SIPA1L1: variants seen among roughly 807,000 people sequenced by gnomAD.
The protein encoded by SIPA1L1 is signal induced proliferation associated 1 like 1, also known as signal-induced proliferation-associated 1-like protein 1.
SIPA1L1 carries 26 observed loss-of-function variants against 162.7 expected under a neutral mutation model. The observed-to-expected ratio is 0.16, with a 90% CI of 0.12 to 0.22. The LOEUF (loss-of-function observed/expected upper bound fraction) is 0.22, where lower values mean the gene tolerates loss of function less well. Ranked by LOEUF, SIPA1L1 falls within the 10% of genes least tolerant of loss-of-function variation. The pLI is 1.00. For synonymous variants in SIPA1L1, 829 were observed against 837.4 expected (o/e 0.99, Z 0.17); for missense variants, 1,874 against 2,241.0 (o/e 0.84, Z 3.31).
chr14:71,476,573 T>C (rs554898851), intron 2 of SIPA1L1, among the ~76,000 whole-genome samples: 4 of 152,332 alleles, frequency 2.6e-5, no homozygotes, highest in African/African-American at 9.6e-5. Context: ...AAATATGTTT[T>C]TGTAAATTTG....
chr14:71,529,194 G>A (rs893553713), intron 3 of SIPA1L1, 118 bp from the exon 4 acceptor site: 35 of 411,368 alleles, frequency 8.5e-5, no homozygotes, highest in Non-Finnish European at 1.4e-4. Flanking sequence ...ATTTACCTTA[G>A]AAAGGCTGGT....
At chr14:71,533,035 A>C (rs909068388) in intron 4 of SIPA1L1, among the ~76,000 whole-genome samples, 1 of 152,194 alleles carries the variant, frequency 6.6e-6, no homozygotes, top group Non-Finnish European at 1.5e-5. Flanking sequence ...TAGTCTCACA[A>C]ATCAGTATCT....
At chr14:71,549,398 G>A (rs1416460489) in intron 4 of SIPA1L1, among the ~76,000 whole-genome samples, 3 of 151,716 alleles carry the variant, frequency 2.0e-5, no homozygotes, top group African/African-American at 7.3e-5. Flanking sequence ...TGTCCCATAT[G>A]TGAACCAAGT....
At chr14:71,544,207 ACATG>A (rs1333317882) in intron 4 of SIPA1L1, among the ~76,000 whole-genome samples, 8 of 145,464 alleles carry the variant, frequency 5.5e-5, no homozygotes, top group Non-Finnish European at 1.2e-4. Flanking sequence ...GCATGTATGC[ACATG>A]CATGTGTATA....
chr14:71,686,927 G>A (rs1308286142), intron 13 of SIPA1L1, among the ~76,000 whole-genome samples: 1 of 152,196 alleles, frequency 6.6e-6, no homozygotes, highest in African/African-American at 2.4e-5. Context: ...GCAGGGTGCT[G>A]AGGAAAACGG....
chr14:71,602,400 A>G (rs1466987418), intron 5 of SIPA1L1, among the ~76,000 whole-genome samples: 1 of 151,692 alleles, frequency 6.6e-6, no homozygotes, highest in African/African-American at 2.4e-5. Context: ...TTCTAGTTTT[A>G]TTTCATTGTG....
chr14:71,727,555 G>A (rs577818369), intron 19 of SIPA1L1, among the ~76,000 whole-genome samples: 127 of 151,924 alleles, frequency 8.4e-4, no homozygotes, highest in Non-Finnish European at 1.5e-3. Flanking sequence ...GAACCTCTCC[G>A]TAGCAGTGGT....
chr14:71,414,459 A>G (rs2042619802), intron 2 of SIPA1L1, among the ~76,000 whole-genome samples: 1 of 152,180 alleles, frequency 6.6e-6, no homozygotes, highest in African/African-American at 2.4e-5. Flanking sequence ...AATGTCCGAT[A>G]TTTTCTGCCC....
intron 2 of SIPA1L1, among the ~76,000 whole-genome samples, chr14:71,457,611 T>A (rs1052094063): frequency 6.7e-6 from 1 of 150,334 alleles, no homozygotes; most frequent in Non-Finnish European, 1.5e-5. Flanking sequence ...TTTTTTTTTT[T>A]AGACGGAATT....
rs2037132810 is a variant in SIPA1L1, at chr14:71,603,933, TTATATATCTA to T, written c.1498+14571_1498+14580del. ...AAGATATATATAAATATATATATATTTATATATCTATATATATTTATATATATTTATATAT... is the reference window on the plus strand; with the variant it reads ...AAGATATATATAAATATATATATATTTATATATTTATATATATTTATATAT... On this transcript the variant is annotated intron_variant, in intron 5 of 23. Transcript: ENST00000381232. Among the ~76,000 whole-genome samples the T allele has an allele frequency of 6.2e-5, 9 of 144,324 alleles. No individual in the cohort carries two copies. The Admixed American group carries it at 6.3e-4, about 10-fold the overall frequency. 94.7% of individuals were successfully genotyped at this position (144,324 alleles called of 152,430 possible).
chr14:71,663,323 C>T (rs1036824964), intron 10 of SIPA1L1, among the ~76,000 whole-genome samples: 17 of 152,088 alleles, frequency 1.1e-4, no homozygotes, highest in African/African-American at 4.1e-4. Context: ...TTTAGACTTA[C>T]CGCATATCTC....
intron 4 of SIPA1L1, among the ~76,000 whole-genome samples, chr14:71,546,115 T>C (rs1482356379): frequency 6.6e-6 from 1 of 152,096 alleles, no homozygotes; most frequent in Non-Finnish European, 1.5e-5. Context: ...AAAAGTCTCA[T>C]ACTTAGGTTT....
At chr14:71,375,489 GT>G (rs1390596880) in intron 2 of SIPA1L1, among the ~76,000 whole-genome samples, 1 of 151,936 alleles carries the variant, frequency 6.6e-6, no homozygotes, top group Non-Finnish European at 1.5e-5. Flanking sequence ...TAGTGTAGTT[GT>G]TTTTTAGATT....
At chr14:71,339,366 C>CT (rs56755864) in intron 2 of SIPA1L1, among the ~76,000 whole-genome samples, 100 of 142,112 alleles carry the variant, frequency 7.0e-4, no homozygotes, top group Admixed American at 1.1e-3. Flanking sequence ...TTCTTTCTTT[C>CT]TTTTTTTTTT....
chr14:71,525,622 A>G (rs2052788908), intron 3 of SIPA1L1, among the ~76,000 whole-genome samples: 1 of 152,222 alleles, frequency 6.6e-6, no homozygotes, highest in South Asian at 2.1e-4. Context: ...TCAAGACTGT[A>G]TCATTGCCAC....
intron 2 of SIPA1L1, among the ~76,000 whole-genome samples, chr14:71,493,695 A>G (rs1195894611): frequency 6.6e-6 from 1 of 152,184 alleles, no homozygotes; most frequent in Non-Finnish European, 1.5e-5. Context: ...AAGGTTATGT[A>G]TGTTCTGTTA....
chr14:71,516,935 T>G (rs2051793534), intron 3 of SIPA1L1, among the ~76,000 whole-genome samples: 1 of 152,170 alleles, frequency 6.6e-6, no homozygotes, highest in Admixed American at 6.5e-5. Context: ...GTTTCATCGT[T>G]GCACTCCAGC....
chr14:71,368,074 T>C (rs1312284462), intron 2 of SIPA1L1, among the ~76,000 whole-genome samples: 1 of 151,438 alleles, frequency 6.6e-6, no homozygotes, highest in Non-Finnish European at 1.5e-5. Context: ...TTAGAAAATA[T>C]ACTAGACCTT....
At chr14:71,488,612 A>G (rs1333720555) in intron 2 of SIPA1L1, among the ~76,000 whole-genome samples, 1 of 152,250 alleles carries the variant, frequency 6.6e-6, no homozygotes, top group African/African-American at 2.4e-5. Flanking sequence ...GAGATGTTGT[A>G]ATAGGAAATT....
Sources: gnomAD v4.1 joint callset for allele counts (sites outside exome capture counted in the v4.1 genomes callset) on GRCh38, gnomAD v4.1.1 for gene constraint, MANE v1.5 for transcripts, NCBI Gene and HGNC (gene_info 2026-07-23, HGNC 2026-07-21) for gene names.